The following DPYD variants were observed in gnomAD, a reference collection of about 807,000 sequenced individuals.
The protein encoded by DPYD is dihydropyrimidine dehydrogenase.
DPYD carries 109 observed loss-of-function variants against 116.2 expected under a neutral mutation model. That is an observed-to-expected ratio of 0.94 (90% CI 0.80 to 1.10). The LOEUF (loss-of-function observed/expected upper bound fraction) is 1.10. DPYD is among the 50% of genes least tolerant of loss of function. The probability of loss-of-function intolerance (pLI) is 0.00; values close to 1 mark genes in which losing one functional copy is unlikely to be tolerated. For missense variants in DPYD, 1,302 were observed against 1,254.5 expected, an observed-to-expected ratio of 1.04 and a Z score of -0.57; for synonymous variants, 440 against 432.0, an observed-to-expected ratio of 1.02 and a Z score of -0.23.
At chr1:97,275,546 A>G (rs925595066) in intron 18 of DPYD, among the ~76,000 whole-genome samples, 2 of 152,182 alleles carry the variant, frequency 1.3e-5, no homozygotes, top group African/African-American at 4.8e-5. Flanking sequence ...AGTTACAAAC[A>G]TTTGTCATTC....
chr1:97,196,213 C>T (rs998864533), intron 19 of DPYD, among the ~76,000 whole-genome samples: 1 of 152,128 alleles, frequency 6.6e-6, no homozygotes, highest in Non-Finnish European at 1.5e-5. Flanking sequence ...AATCCTCTCA[C>T]CTCAGCTTCC....
chr1:97,581,700 C>G (rs1293214122), intron 10 of DPYD, among the ~76,000 whole-genome samples: 2 of 141,486 alleles, frequency 1.4e-5, no homozygotes, highest in African/African-American at 2.7e-5. Flanking sequence ...GAGCTGTGAT[C>G]ACGCCACTGC....
At chr1:97,119,506 G>A (rs1652256297) in intron 20 of DPYD, among the ~76,000 whole-genome samples, 1 of 152,154 alleles carries the variant, frequency 6.6e-6, no homozygotes, top group South Asian at 2.1e-4. Flanking sequence ...GCTACCACGT[G>A]GGTGAACATG....
intron 2 of DPYD, among the ~76,000 whole-genome samples, chr1:97,830,744 C>G (rs111762807): frequency 5.1e-4 from 78 of 151,658 alleles, no homozygotes; most frequent in African/African-American, 1.7e-3. Flanking sequence ...AAAGTGGACA[C>G]GTGGACACTG....
At chr1:97,399,357 G>A (rs994060850) in intron 14 of DPYD, among the ~76,000 whole-genome samples, 3 of 152,142 alleles carry the variant, frequency 2.0e-5, no homozygotes, top group African/African-American at 7.2e-5. Flanking sequence ...TAGCCTAGTA[G>A]TATAGTTTGA....
At chr1:97,268,456 A>G (rs553445764) in intron 18 of DPYD, among the ~76,000 whole-genome samples, 1 of 152,220 alleles carries the variant, frequency 6.6e-6, no homozygotes, top group African/African-American at 2.4e-5. Context: ...GCCTATGACA[A>G]GTCTCTTCTT....
chr1:97,414,422 A>G (rs2101677291), intron 14 of DPYD, among the ~76,000 whole-genome samples: 1 of 152,344 alleles, frequency 6.6e-6, no homozygotes, highest in East Asian at 1.9e-4. Flanking sequence ...GAAATCTCAT[A>G]AAAATAATTC....
chr1:97,359,309 T>C (rs112508617), intron 16 of DPYD, among the ~76,000 whole-genome samples: 6,894 of 152,168 alleles, frequency 0.045, 208 homozygotes, highest in Middle Eastern at 0.11. Flanking sequence ...TGGGACTCTG[T>C]GAAAATATCA....
At chr1:97,327,551 ATTTCC>A (rs1329747344) in intron 16 of DPYD, among the ~76,000 whole-genome samples, 1 of 151,980 alleles carries the variant, frequency 6.6e-6, no homozygotes, top group Non-Finnish European at 1.5e-5. Flanking sequence ...AAAAAGGTCT[ATTTCC>A]TTTGAGTAAG....
intron 14 of DPYD, among the ~76,000 whole-genome samples, chr1:97,419,490 T>C (rs1674463578): frequency 1.3e-5 from 2 of 152,184 alleles, no homozygotes; most frequent in Admixed American, 6.5e-5. Flanking sequence ...GGCACCGATA[T>C]TCCAATTTTA....
chr1:97,868,876 G>A (rs991463580), intron 2 of DPYD, among the ~76,000 whole-genome samples: 1 of 151,686 alleles, frequency 6.6e-6, no homozygotes, highest in Non-Finnish European at 1.5e-5. Context: ...TTTTTTGGTT[G>A]TCTATATCTC....
intron 8 of DPYD, among the ~76,000 whole-genome samples, chr1:97,651,398 T>C (rs1658575282): frequency 6.6e-6 from 1 of 152,190 alleles, no homozygotes; most frequent in Non-Finnish European, 1.5e-5. Context: ...ATTTATTTTA[T>C]TCAGGCACAC....
chr1:97,263,172 T>C (rs1296775989), intron 18 of DPYD, among the ~76,000 whole-genome samples: 1 of 152,122 alleles, frequency 6.6e-6, no homozygotes, highest in African/African-American at 2.4e-5. Context: ...ATACTCAGAT[T>C]AAACTGCTGA....
chr1:97,648,935 G>C (rs1404933081), intron 8 of DPYD, among the ~76,000 whole-genome samples: 1 of 151,924 alleles, frequency 6.6e-6, no homozygotes, highest in Non-Finnish European at 1.5e-5. Context: ...GACCCTCAGT[G>C]TCCTATATTG....
chr1:97,631,343 A>G (rs961299979), intron 8 of DPYD, among the ~76,000 whole-genome samples: 3 of 152,086 alleles, frequency 2.0e-5, no homozygotes, highest in Non-Finnish European at 4.4e-5. Context: ...TCTCTTGTCA[A>G]TCTCAGCAAA....
intron 8 of DPYD, among the ~76,000 whole-genome samples, chr1:97,641,750 G>A (rs192711791): frequency 1.3e-5 from 2 of 152,144 alleles, no homozygotes; most frequent in South Asian, 4.2e-4. Context: ...TTCTGGCCAG[G>A]GCAATCAGGC....
chr1:97,600,643 A>G (rs538479902), intron 8 of DPYD, among the ~76,000 whole-genome samples: 1 of 152,286 alleles, frequency 6.6e-6, no homozygotes, highest in Non-Finnish European at 1.5e-5. Context: ...CAGCTTCCTC[A>G]TCACAGGACT....
chr1:97,569,364 G>A (rs973425336), intron 11 of DPYD, among the ~76,000 whole-genome samples: 10 of 149,844 alleles, frequency 6.7e-5, no homozygotes, highest in African/African-American at 2.0e-4. Flanking sequence ...GTGTTTAGCA[G>A]AAGAGGAAAC....
rs757155354 is a variant in DPYD, at chr1:97,573,834, T to C, written c.1265A>G (p.Asp422Gly). ...TTTCAGATGGACCATCTGATCTTCA[T>C]CTTCATTCCATTTTCCAGTTTCATC... ...EQDETGKWNE[D>G]EDQMVHLKAD... The change falls in exon 11 of 23, where the codon GAT becomes GGT. Residue 422 changes from aspartate (D) to glycine (G), a missense_variant. Asp to Gly is a moderately conservative substitution (Grantham distance 94). Transcript: ENST00000370192. 11 of 1,613,632 alleles carry C rather than the reference T, an allele frequency of 6.8e-6. No homozygotes were observed. The South Asian group carries it at 1.1e-4, about 16-fold the overall frequency.
Sources: gnomAD v4.1 joint callset for allele counts (sites outside exome capture counted in the v4.1 genomes callset) on GRCh38, gnomAD v4.1.1 for gene constraint, MANE v1.5 for transcripts, NCBI Gene and HGNC (gene_info 2026-07-23, HGNC 2026-07-21) for gene names.